TAS2R1: variants seen among roughly 807,000 people sequenced by gnomAD.
TAS2R1 encodes taste 2 receptor member 1.
For missense variants in TAS2R1, 370 were observed against 353.4 expected, an observed-to-expected ratio of 1.05 and a Z score of -0.38; for synonymous variants, 141 against 134.2, an observed-to-expected ratio of 1.05 and a Z score of -0.35.
the TAS2R1 span, among the ~76,000 whole-genome samples, chr5:9,743,060 T>C: frequency 3.6e-5 from 5 of 137,932 alleles, no homozygotes; most frequent in East Asian, 4.6e-4. Context: ...TGGAAAGCAA[T>C]AGGTGATTAA....
At chr5:9,713,587 C>T (rs529675907), upstream of TAS2R1, among the ~76,000 whole-genome samples, 12 of 152,236 alleles carry the variant, frequency 7.9e-5, no homozygotes, top group South Asian at 2.1e-4. Flanking sequence ...ACTTCACATG[C>T]GGTGCCTGTT....
the TAS2R1 span, among the ~76,000 whole-genome samples, chr5:9,725,379 G>A: frequency 6.6e-6 from 1 of 152,242 alleles, no homozygotes; most frequent in Non-Finnish European, 1.5e-5. Context: ...GGTAGGCATG[G>A]GCTTGGCAGG....
At chr5:9,844,545 C>A in the TAS2R1 span, among the ~76,000 whole-genome samples, 1 of 152,168 alleles carries the variant, frequency 6.6e-6, no homozygotes, top group Non-Finnish European at 1.5e-5. Flanking sequence ...CATTATATAG[C>A]CTCAAATACA....
chr5:9,768,171 ACTCT>A, the TAS2R1 span, among the ~76,000 whole-genome samples: 183 of 151,558 alleles, frequency 1.2e-3, 1 homozygote, highest in Middle Eastern at 3.4e-3. Context: ...GAGACTGTGC[ACTCT>A]CTCTGTCTGG....
intron 1 of TAS2R1, among the ~76,000 whole-genome samples, chr5:9,703,284 G>A (rs1741531305): frequency 6.6e-6 from 1 of 152,060 alleles, no homozygotes; most frequent in Non-Finnish European, 1.5e-5. Context: ...CTGTTAGGTG[G>A]GGCTATAGAT....
the TAS2R1 span, among the ~76,000 whole-genome samples, chr5:9,804,613 A>T: frequency 6.6e-6 from 1 of 152,172 alleles, no homozygotes; most frequent in African/African-American, 2.4e-5. Flanking sequence ...ATGCAAATAC[A>T]TGGAAATTAA....
chr5:9,896,657 G>A, the TAS2R1 span, among the ~76,000 whole-genome samples: 1 of 152,184 alleles, frequency 6.6e-6, no homozygotes, highest in Non-Finnish European at 1.5e-5. Flanking sequence ...AAAAACAAGG[G>A]CTAAAGAAAT....
chr5:9,810,132 G>A, the TAS2R1 span, among the ~76,000 whole-genome samples: 1 of 152,206 alleles, frequency 6.6e-6, no homozygotes, highest in African/African-American at 2.4e-5. Context: ...TAGCATGTGT[G>A]CTAGGGGAAG....
At chr5:9,795,064 T>C in the TAS2R1 span, among the ~76,000 whole-genome samples, 3 of 152,294 alleles carry the variant, frequency 2.0e-5, no homozygotes, top group South Asian at 2.1e-4. Flanking sequence ...TATTTCTTTT[T>C]GTGGGGGGAC....
chr5:9,680,993 C>CG (rs901757116), intron 1 of TAS2R1, among the ~76,000 whole-genome samples: 1 of 152,052 alleles, frequency 6.6e-6, no homozygotes, highest in African/African-American at 2.4e-5. Context: ...ACCCAGGAGG[C>CG]GGGGGCTGCA....
upstream of TAS2R1, among the ~76,000 whole-genome samples, chr5:9,632,131 CA>C (rs1221094634): frequency 6.6e-6 from 1 of 152,096 alleles, no homozygotes; most frequent in East Asian, 1.9e-4. Flanking sequence ...TCTAGACCAC[CA>C]AAATACAAGA....
chr5:9,758,071 G>A, the TAS2R1 span, among the ~76,000 whole-genome samples: 2 of 152,050 alleles, frequency 1.3e-5, no homozygotes. Context: ...AGCAGTTTGT[G>A]TAAAAATAAT....
the TAS2R1 span, among the ~76,000 whole-genome samples, chr5:9,734,652 T>C: frequency 0.052 from 7,847 of 152,264 alleles, 227 homozygotes; most frequent in East Asian, 0.089. Flanking sequence ...CTGTTTAGCA[T>C]ACAAACCCCC....
chr5:9,897,251 C>A, the TAS2R1 span, among the ~76,000 whole-genome samples: 15 of 152,122 alleles, frequency 9.9e-5, no homozygotes, highest in African/African-American at 3.6e-4. Flanking sequence ...GAGTTCCAGA[C>A]CAGCCTGGCC....
At chr5:9,716,331 C>T (rs1458276871), upstream of TAS2R1, among the ~76,000 whole-genome samples, 1 of 151,988 alleles carries the variant, frequency 6.6e-6, no homozygotes, top group African/African-American at 2.4e-5. Context: ...GCTGAGAGTC[C>T]CTGTTTCCCT....
the TAS2R1 span, among the ~76,000 whole-genome samples, chr5:9,780,362 A>T: frequency 6.6e-6 from 1 of 152,180 alleles, no homozygotes; most frequent in Non-Finnish European, 1.5e-5. Context: ...GTTACACAGG[A>T]CCTTTGTGTC....
chr5:9,704,220 C>T (rs1741553177), intron 1 of TAS2R1, among the ~76,000 whole-genome samples: 1 of 151,982 alleles, frequency 6.6e-6, no homozygotes, highest in Non-Finnish European at 1.5e-5. Flanking sequence ...TTAAGAGTAC[C>T]TTAATTTTTG....
At position 9,646,518 on chromosome 5, in the gene TAS2R1, G is replaced by A. The variant is rs796991901; in HGVS notation, c.-81+12903C>T. Among the ~76,000 whole-genome samples, 12 of 152,162 alleles carry A rather than the reference G, an allele frequency of 7.9e-5. No individual in the cohort carries two copies. The South Asian group carries it at 8.3e-4, about 10-fold the overall frequency. On this transcript the variant is annotated intron_variant, in intron 2 of 2. Coordinates refer to the TAS2R1 transcript ENST00000506620. ...AACAAGCAGTGCCATTTCTGCCCTGGTCCAAACTCAAATGGTTCTCTTTTG... is the reference window on the plus strand; with the variant it reads ...AACAAGCAGTGCCATTTCTGCCCTGATCCAAACTCAAATGGTTCTCTTTTG...
intron 2 of TAS2R1, among the ~76,000 whole-genome samples, chr5:9,640,534 AAGCAC>A: frequency 7.1e-6 from 1 of 141,220 alleles, no homozygotes; most frequent in Non-Finnish European, 1.5e-5. Context: ...AGTACCTGTA[AAGCAC>A]AACAAAGTGA....
Sources: allele counts gnomAD v4.1 joint callset (sites outside exome capture counted in the v4.1 genomes callset), GRCh38; gene constraint gnomAD v4.1.1; transcripts MANE v1.5; gene names NCBI Gene and HGNC (gene_info 2026-07-23, HGNC 2026-07-21).